Variants in WDFY2 observed in about 807,000 individuals in gnomAD.
The protein encoded by WDFY2 is WD repeat and FYVE domain containing 2, also known as WD repeat and FYVE domain-containing protein 2.
Under a neutral mutation model 56.4 loss-of-function variants are expected in WDFY2, and 36 were observed. That is an observed-to-expected ratio of 0.64 (90% confidence interval 0.49 to 0.84). The LOEUF (loss-of-function observed/expected upper bound fraction) is 0.84. Among genes scored for constraint, WDFY2 ranks in the 40% least tolerant of loss-of-function variants. The pLI is 0.00. For synonymous variants in WDFY2, 176 were observed against 183.7 expected (o/e 0.96, Z 0.34); for missense variants, 444 against 512.2 (o/e 0.87, Z 1.29).
chr13:51,694,910 TTC>T (rs1951830380), intron 3 of WDFY2, among the ~76,000 whole-genome samples: 1 of 152,162 alleles, frequency 6.6e-6, no homozygotes, highest in African/African-American at 2.4e-5. Context: ...TAAACTTCCC[TTC>T]TCACTTCATT....
At chr13:51,751,005 A>G (rs189399647) in intron 7 of WDFY2, among the ~76,000 whole-genome samples, 44 of 152,274 alleles carry the variant, frequency 2.9e-4, no homozygotes, top group African/African-American at 9.9e-4. Flanking sequence ...TCACTTAAGG[A>G]AGGAGGGAAC....
rs1435553056 is a variant in WDFY2, at chr13:51,755,410, TC to T, written c.885del (p.Trp296GlyfsTer14). Reference sequence around the variant, plus strand: ...TGCCAAAAGTGTGATCAGCCTTTCTTCTGGAACTTCAAGCAAATGTGGGACA... The same window carrying T: ...TGCCAAAAGTGTGATCAGCCTTTCTTTGGAACTTCAAGCAAATGTGGGACA... Reference protein sequence around the residue: ...DSCQKCDQPFFWNFKQMWDSK... With the variant: ...DSCQKCDQPFXWNFKQMWDSK... On this transcript the variant is annotated frameshift_variant, in exon 9 of 12. Coordinates refer to ENST00000298125, the MANE Select transcript of WDFY2 (RefSeq NM_052950.4). LOFTEE classifies it high-confidence loss of function. The T allele has an allele frequency of 1.9e-6, 3 of 1,614,110 alleles. No homozygotes were observed. The highest frequency in any genetic ancestry group is 2.5e-6 in the Non-Finnish European group (3 of 1,180,044).
intron 3 of WDFY2, among the ~76,000 whole-genome samples, chr13:51,691,055 G>A (rs925444014): frequency 1.3e-5 from 2 of 152,012 alleles, no homozygotes; most frequent in Non-Finnish European, 2.9e-5. Flanking sequence ...TTGTTTTTTT[G>A]TTGTAAATTT....
intron 3 of WDFY2, among the ~76,000 whole-genome samples, chr13:51,702,747 A>T (rs1411775572): frequency 6.6e-6 from 1 of 152,180 alleles, no homozygotes; most frequent in Admixed American, 6.5e-5. Flanking sequence ...TTTTGAAAAG[A>T]TTAATTGCGT....
At chr13:51,745,793 G>C (rs1953084255) in intron 7 of WDFY2, among the ~76,000 whole-genome samples, 1 of 139,350 alleles carries the variant, frequency 7.2e-6, no homozygotes, top group African/African-American at 2.7e-5. Flanking sequence ...GGTTAGTCCT[G>C]ATTATTTATA....
intron 1 of WDFY2, among the ~76,000 whole-genome samples, chr13:51,622,414 G>C (rs538512033): frequency 6.6e-6 from 1 of 152,236 alleles, no homozygotes; most frequent in Admixed American, 6.5e-5. Context: ...ACTGTCTCCT[G>C]TGGTGACCCA....
intron 1 of WDFY2, among the ~76,000 whole-genome samples, chr13:51,595,469 C>T (rs1032381273): frequency 2.0e-5 from 3 of 152,104 alleles, no homozygotes; most frequent in African/African-American, 4.8e-5. Context: ...CATGGGAAGA[C>T]GGAGCTGTGC....
intron 10 of WDFY2, among the ~76,000 whole-genome samples, chr13:51,757,010 T>C (rs1230667634): frequency 6.6e-6 from 1 of 152,322 alleles, no homozygotes; most frequent in South Asian, 2.1e-4. Context: ...ATCTATGTTA[T>C]CTCTTTAGTG....
chr13:51,664,872 T>C (rs1300154235), intron 2 of WDFY2, among the ~76,000 whole-genome samples: 3 of 152,240 alleles, frequency 2.0e-5, no homozygotes, highest in South Asian at 2.1e-4. Context: ...AAAGTAGTAT[T>C]TGATCTTGTT....
At chr13:51,680,749 C>T (rs1202798291) in intron 3 of WDFY2, among the ~76,000 whole-genome samples, 2 of 152,192 alleles carry the variant, frequency 1.3e-5, no homozygotes, top group African/African-American at 4.8e-5. Flanking sequence ...TCTTCTTCTG[C>T]AGCTAATGCC....
chr13:51,658,641 A>C (rs929711385), intron 1 of WDFY2, among the ~76,000 whole-genome samples: 2 of 152,224 alleles, frequency 1.3e-5, no homozygotes, highest in Admixed American at 1.3e-4. Flanking sequence ...AATAATCTCA[A>C]TAAAACAATT....
chr13:51,614,545 A>G (rs919489291), intron 1 of WDFY2, among the ~76,000 whole-genome samples: 2 of 152,158 alleles, frequency 1.3e-5, no homozygotes, highest in African/African-American at 2.4e-5. Flanking sequence ...GTCCCTTTGA[A>G]GCCTCACGAT....
intron 1 of WDFY2, among the ~76,000 whole-genome samples, chr13:51,642,837 T>C (rs1385359355): frequency 2.0e-5 from 3 of 151,976 alleles, no homozygotes; most frequent in Admixed American, 6.5e-5. Flanking sequence ...CACACCACCA[T>C]ACCCAGCTAA....
At chr13:51,703,393 T>C (rs1593431477) in intron 3 of WDFY2, among the ~76,000 whole-genome samples, 1 of 152,302 alleles carries the variant, frequency 6.6e-6, no homozygotes, top group Non-Finnish European at 1.5e-5. Flanking sequence ...TCAACACTTA[T>C]AAGGTAAAAT....
chr13:51,719,353 C>A lies in WDFY2; in HGVS notation c.485+5C>A, dbSNP rs1367157599. ...TGCTGTGGCCTCAGGCCTGCAGTAT[C>A]CTTTGCTGGACAAAAATCTCTTAGT... is the stretch of plus-strand genomic sequence containing the variant. On this transcript the variant is annotated splice_donor_5th_base_variant and intron_variant, in intron 5 of 11. Coordinates refer to ENST00000298125, the MANE Select transcript of WDFY2 (RefSeq NM_052950.4). The A allele has an allele frequency of 6.5e-7, 1 of 1,549,916 alleles. No homozygotes were observed. The highest frequency in any genetic ancestry group is 8.7e-7 in the Non-Finnish European group (1 of 1,150,936).
At chr13:51,619,112 A>G (rs1488071792) in intron 1 of WDFY2, among the ~76,000 whole-genome samples, 1 of 152,210 alleles carries the variant, frequency 6.6e-6, no homozygotes, top group Non-Finnish European at 1.5e-5. Context: ...TGTCTTTTCT[A>G]TTATTCTTCA....
At chr13:51,718,312 G>C (rs1465351012) in intron 4 of WDFY2, among the ~76,000 whole-genome samples, 1 of 151,976 alleles carries the variant, frequency 6.6e-6, no homozygotes. Flanking sequence ...CCACTTTACT[G>C]CCTGGAATAT....
intron 3 of WDFY2, among the ~76,000 whole-genome samples, chr13:51,688,117 A>G (rs1341791837): frequency 6.6e-6 from 1 of 152,170 alleles, no homozygotes; most frequent in Non-Finnish European, 1.5e-5. Flanking sequence ...CTCCCAGCCA[A>G]GCTTGTGTTC....
chr13:51,719,027 G>T (rs899643987), intron 4 of WDFY2, among the ~76,000 whole-genome samples, 171 bp from the exon 5 acceptor site: 1 of 152,100 alleles, frequency 6.6e-6, no homozygotes, highest in Admixed American at 6.5e-5. Flanking sequence ...TGTTTAAAGG[G>T]GAATACCCCC....
Sources: gnomAD v4.1 joint callset for allele counts (sites outside exome capture counted in the v4.1 genomes callset) on GRCh38, gnomAD v4.1.1 for gene constraint, MANE v1.5 for transcripts, NCBI Gene and HGNC (gene_info 2026-07-23, HGNC 2026-07-21) for gene names.